Variants in NEGR1 observed in about 807,000 individuals in gnomAD.
The protein encoded by NEGR1 is IgLON family member 4.
NEGR1 carries 10 observed loss-of-function variants against 40.9 expected under a neutral mutation model. That is an observed-to-expected ratio of 0.24 (90% CI 0.15 to 0.42). The LOEUF is 0.42. Among genes scored for constraint, NEGR1 ranks in the 10% least tolerant of loss-of-function variants. The probability of loss-of-function intolerance (pLI) is 1.00; values close to 1 mark genes in which losing one functional copy is unlikely to be tolerated. For missense variants in NEGR1, 352 were observed against 438.9 expected, an observed-to-expected ratio of 0.80 and a Z score of 1.77; for synonymous variants, 185 against 166.8, an observed-to-expected ratio of 1.11 and a Z score of -0.84.
chr1:71,916,286 A>G (rs1313239823), intron 2 of NEGR1, among the ~76,000 whole-genome samples: 1 of 152,246 alleles, frequency 6.6e-6, no homozygotes. Flanking sequence ...AGTTAAAAGT[A>G]TGATGAGTCT....
At chr1:71,567,351 A>C (rs1008401687) in intron 6 of NEGR1, among the ~76,000 whole-genome samples, 1 of 152,126 alleles carries the variant, frequency 6.6e-6, no homozygotes, top group Non-Finnish European at 1.5e-5. Context: ...GTATTAGAAA[A>C]ATGTCTTGAG....
At position 71,705,843 on chromosome 1, in the gene NEGR1, A is replaced by AGAAGGAAGGAAGAGAG. The variant is rs1481370909; in HGVS notation, c.536-7720_536-7705dup. ...AAGAAAGAAAGAAAGAAAGAGAGAG[A>AGAAGGAAGGAAGAGAG]GAAGGAAGGAAGAGAGGAAGGAAGG... On this transcript the variant is annotated intron_variant, in intron 3 of 6. Transcript: ENST00000357731. 8.4e-4 allele frequency among the ~76,000 whole-genome samples: 127 copies of AGAAGGAAGGAAGAGAG among 151,860 alleles called. 1 individual carries two copies. The highest frequency in any genetic ancestry group is 3.0e-3 in the African/African-American group (123 of 41,376).
intron 5 of NEGR1, among the ~76,000 whole-genome samples, chr1:71,608,422 A>G (rs140409418): frequency 5.6e-4 from 85 of 151,576 alleles, no homozygotes; most frequent in African/African-American, 2.0e-3. Context: ...CACTGAAGCT[A>G]TGATTGTGGG....
intron 1 of NEGR1, among the ~76,000 whole-genome samples, chr1:72,100,204 T>A (rs1648880578): frequency 6.6e-6 from 1 of 152,116 alleles, no homozygotes; most frequent in South Asian, 2.1e-4. Flanking sequence ...AGATTATAAC[T>A]AAAAAACAAA....
At chr1:71,925,169 G>C (rs1364496399) in intron 2 of NEGR1, among the ~76,000 whole-genome samples, 1 of 152,202 alleles carries the variant, frequency 6.6e-6, no homozygotes, top group East Asian at 1.9e-4. Context: ...GATTTACGGT[G>C]TTCATAAGCC....
chr1:72,033,283 C>A (rs577248007), intron 1 of NEGR1, among the ~76,000 whole-genome samples: 56 of 152,106 alleles, frequency 3.7e-4, no homozygotes, highest in Non-Finnish European at 7.7e-4. Flanking sequence ...ATTGAAGAAC[C>A]TTTGGGCTAT....
chr1:72,109,062 T>C (rs1454812206), intron 1 of NEGR1, among the ~76,000 whole-genome samples: 2 of 151,602 alleles, frequency 1.3e-5, no homozygotes, highest in Non-Finnish European at 3.0e-5. Context: ...TCTATTACCT[T>C]AATCTCATTT....
At chr1:71,631,557 T>C (rs1650970511) in intron 4 of NEGR1, among the ~76,000 whole-genome samples, 1 of 151,860 alleles carries the variant, frequency 6.6e-6, no homozygotes, top group East Asian at 1.9e-4. Flanking sequence ...AATAGCTCCA[T>C]ATTCATTTTC....
intron 4 of NEGR1, among the ~76,000 whole-genome samples, chr1:71,662,561 T>G (rs1034693448): frequency 6.6e-6 from 1 of 152,078 alleles, no homozygotes; most frequent in Non-Finnish European, 1.5e-5. Flanking sequence ...TGAAAAAGAG[T>G]ATTATTAATA....
chr1:71,676,157 T>A (rs1052605684), intron 4 of NEGR1, among the ~76,000 whole-genome samples: 1 of 152,152 alleles, frequency 6.6e-6, no homozygotes, highest in Non-Finnish European at 1.5e-5. Context: ...TTAATCTTAT[T>A]TGGGAAGAGG....
At chr1:72,136,338 G>A (rs554244263) in intron 1 of NEGR1, among the ~76,000 whole-genome samples, 12 of 151,942 alleles carry the variant, frequency 7.9e-5, no homozygotes, top group African/African-American at 2.4e-4. Context: ...ATTAGCAGTC[G>A]ATTGCAGTTT....
intron 3 of NEGR1, among the ~76,000 whole-genome samples, chr1:71,699,861 G>A (rs1653624122): frequency 6.6e-6 from 1 of 151,840 alleles, no homozygotes; most frequent in South Asian, 2.1e-4. Flanking sequence ...TAAGTCTCAT[G>A]AGATCTGATG....
At chr1:71,759,836 C>T (rs1230312484) in intron 3 of NEGR1, among the ~76,000 whole-genome samples, 1 of 151,662 alleles carries the variant, frequency 6.6e-6, no homozygotes, top group Non-Finnish European at 1.5e-5. Context: ...TCTTGAACTC[C>T]TGGCCTCAAT....
At chr1:72,075,927 T>C (rs1489973336) in intron 1 of NEGR1, among the ~76,000 whole-genome samples, 3 of 152,204 alleles carry the variant, frequency 2.0e-5, no homozygotes, top group South Asian at 4.1e-4. Flanking sequence ...GTGGTTGTTG[T>C]TGATTTTTGC....
At chr1:72,108,655 T>C (rs1342977619) in intron 1 of NEGR1, among the ~76,000 whole-genome samples, 1 of 151,652 alleles carries the variant, frequency 6.6e-6, no homozygotes, top group Non-Finnish European at 1.5e-5. Context: ...TAAAGAATTA[T>C]TAGCTAAAGA....
At chr1:71,793,015 T>C (rs980668979) in intron 2 of NEGR1, among the ~76,000 whole-genome samples, 3 of 151,316 alleles carry the variant, frequency 2.0e-5, no homozygotes, top group African/African-American at 7.3e-5. Flanking sequence ...GGAGAAGTGA[T>C]GTGTGCTCTT....
At chr1:72,079,922 C>T (rs1647918752) in intron 1 of NEGR1, among the ~76,000 whole-genome samples, 1 of 152,038 alleles carries the variant, frequency 6.6e-6, no homozygotes, top group South Asian at 2.1e-4. Context: ...TTTTAGACGG[C>T]TTAACAGAAT....
At chr1:72,251,873 G>A (rs1360336335) in intron 1 of NEGR1, among the ~76,000 whole-genome samples, 1 of 151,908 alleles carries the variant, frequency 6.6e-6, no homozygotes, top group African/African-American at 2.4e-5. Flanking sequence ...GGCACATTTT[G>A]GCCAAACTTA....
chr1:72,028,189 T>C (rs772297714), intron 1 of NEGR1, among the ~76,000 whole-genome samples: 3 of 152,220 alleles, frequency 2.0e-5, no homozygotes, highest in Non-Finnish European at 2.9e-5. Flanking sequence ...GTCCTCAGCC[T>C]GTTTCTTCCT....
Sources: gnomAD v4.1 joint callset for allele counts (sites outside exome capture counted in the v4.1 genomes callset) on GRCh38, gnomAD v4.1.1 for gene constraint, MANE v1.5 for transcripts, NCBI Gene and HGNC (gene_info 2026-07-23, HGNC 2026-07-21) for gene names.